The following ADAMTSL1 variants were observed in gnomAD, a reference collection of about 807,000 sequenced individuals.
The protein encoded by ADAMTSL1 is ADAMTS-like protein 1.
A neutral mutation model predicts 201.8 loss-of-function variants in ADAMTSL1; 126 were observed. That is an observed-to-expected ratio of 0.62 (90% CI 0.54 to 0.72). The LOEUF (loss-of-function observed/expected upper bound fraction) is 0.72, where lower values mean the gene tolerates loss of function less well. Among genes scored for constraint, ADAMTSL1 ranks in the 30% least tolerant of loss-of-function variants. The pLI, the probability that ADAMTSL1 is intolerant of heterozygous loss-of-function variation, is 0.00. For missense variants in ADAMTSL1, 2,679 were observed against 2,277.8 expected (o/e 1.18, Z -3.59); for synonymous variants, 1,121 against 903.4 (o/e 1.24, Z -4.32).
At chr9:18,089,300 C>G (rs1398854969) in intron 1 of ADAMTSL1, among the ~76,000 whole-genome samples, 2 of 152,128 alleles carry the variant, frequency 1.3e-5, no homozygotes, top group African/African-American at 2.4e-5. Flanking sequence ...AAAGGATGAG[C>G]TCATGTCCTT....
chr9:18,096,971 G>C (rs949736344), intron 1 of ADAMTSL1, among the ~76,000 whole-genome samples: 1 of 152,140 alleles, frequency 6.6e-6, no homozygotes, highest in Non-Finnish European at 1.5e-5. Flanking sequence ...GGCATCCATT[G>C]TAAGTATGCT....
intron 25 of ADAMTSL1, chr9:18,890,910 G>A (rs985677943): frequency 8.6e-6 from 2 of 232,370 alleles, no homozygotes; most frequent in African/African-American, 2.4e-5. Context: ...GATGGTCAGA[G>A]TCAATCAGCT....
intron 16 of ADAMTSL1, among the ~76,000 whole-genome samples, chr9:18,756,122 T>TATAC (rs1491270780): frequency 3.5e-5 from 3 of 85,844 alleles, no homozygotes; most frequent in Non-Finnish European, 7.1e-5. Flanking sequence ...TATATATATA[T>TATAC]ACAAAAATTA....
chr9:18,237,182 G>T (rs577232254), intron 2 of ADAMTSL1, among the ~76,000 whole-genome samples: 1 of 152,288 alleles, frequency 6.6e-6, no homozygotes, highest in African/African-American at 2.4e-5. Flanking sequence ...CAGAAGCTGT[G>T]TCCCACATGG....
intron 1 of ADAMTSL1, among the ~76,000 whole-genome samples, chr9:18,133,818 A>G (rs564814856): frequency 2.0e-5 from 3 of 152,252 alleles, no homozygotes; most frequent in East Asian, 3.9e-4. Context: ...ATTACTTAAA[A>G]TATTTTAAAA....
At position 17,959,676 on chromosome 9, in the gene ADAMTSL1, G is replaced by C. The variant is rs545332078; in HGVS notation, c.87+52754G>C. On this transcript the variant is annotated intron_variant, in intron 1 of 29. Coordinates refer to the ADAMTSL1 transcript ENST00000680146. ...TTTCACCATTGTCCAGGCTGGCCTT[G>C]AACTCCTGACCTCAAGTGATCCACC... Among the ~76,000 whole-genome samples, 15 of 152,186 alleles carry C rather than the reference G, an allele frequency of 9.9e-5. No homozygotes were observed. In the Middle Eastern group the frequency reaches 0.014, roughly 138 times the overall value.
At chr9:17,946,058 ATGTGTGTGTGTGT>A (rs1827458434) in intron 1 of ADAMTSL1, among the ~76,000 whole-genome samples, 6 of 148,262 alleles carry the variant, frequency 4.0e-5, no homozygotes, top group African/African-American at 1.0e-4. Flanking sequence ...CATGATGTGT[ATGTGTGTGTGTGT>A]GTGTGTGTGT....
chr9:18,799,645 G>A (rs1822650693), intron 20 of ADAMTSL1, among the ~76,000 whole-genome samples: 2 of 152,160 alleles, frequency 1.3e-5, no homozygotes, highest in Non-Finnish European at 2.9e-5. Flanking sequence ...GAGGGCTGAG[G>A]GATGAGTGTA....
intron 14 of ADAMTSL1, chr9:18,718,443 C>T (rs1833104182): frequency 3.2e-6 from 2 of 625,702 alleles, no homozygotes; most frequent in Middle Eastern, 2.8e-4. Flanking sequence ...TATTTTTCAA[C>T]AAAAATTCCT....
chr9:18,268,016 A>G (rs1323439694), intron 2 of ADAMTSL1, among the ~76,000 whole-genome samples: 2 of 152,166 alleles, frequency 1.3e-5, no homozygotes, highest in African/African-American at 4.8e-5. Context: ...TAGAAGTAAA[A>G]TGTATTTAAT....
chr9:18,867,112 G>A (rs1464879994), intron 23 of ADAMTSL1, among the ~76,000 whole-genome samples: 1 of 152,164 alleles, frequency 6.6e-6, no homozygotes, highest in Non-Finnish European at 1.5e-5. Flanking sequence ...AAGTTCAGAG[G>A]TTCTTTTCCA....
chr9:18,009,593 T>G (rs951579724), intron 1 of ADAMTSL1, among the ~76,000 whole-genome samples: 6 of 152,032 alleles, frequency 3.9e-5, no homozygotes, highest in African/African-American at 1.4e-4. Context: ...TCTCTGGTTT[T>G]CAGACTTGTT....
chr9:17,967,113 G>T (rs1028138068), intron 1 of ADAMTSL1, among the ~76,000 whole-genome samples: 2 of 152,012 alleles, frequency 1.3e-5, no homozygotes, highest in Non-Finnish European at 2.9e-5. Context: ...GGGCACTAAA[G>T]GTAGCATTAT....
chr9:18,378,885 A>G (rs1378221370), intron 2 of ADAMTSL1, among the ~76,000 whole-genome samples: 1 of 152,218 alleles, frequency 6.6e-6, no homozygotes. Flanking sequence ...GGGAATAAAC[A>G]TAATTGATAG....
intron 1 of ADAMTSL1, among the ~76,000 whole-genome samples, chr9:18,096,069 A>G (rs1198363217): frequency 1.3e-5 from 2 of 152,174 alleles, no homozygotes; most frequent in Admixed American, 6.5e-5. Flanking sequence ...TAGTCAGTCA[A>G]TTACATTCTT....
chr9:18,059,407 A>G (rs1052132653), intron 1 of ADAMTSL1, among the ~76,000 whole-genome samples: 3 of 152,116 alleles, frequency 2.0e-5, no homozygotes, highest in Non-Finnish European at 2.9e-5. Flanking sequence ...GAAATATTGG[A>G]ATGTGTATAA....
intron 2 of ADAMTSL1, among the ~76,000 whole-genome samples, chr9:18,265,909 A>G (rs971763946): frequency 6.6e-6 from 1 of 152,220 alleles, no homozygotes; most frequent in Non-Finnish European, 1.5e-5. Flanking sequence ...ATGAAAACCA[A>G]TATTGTGAAA....
intron 1 of ADAMTSL1, among the ~76,000 whole-genome samples, chr9:18,100,797 A>G (rs986253449): frequency 2.6e-5 from 4 of 152,112 alleles, no homozygotes; most frequent in Non-Finnish European, 5.9e-5. Flanking sequence ...CTGTTATTGG[A>G]TTGGCTAAAC....
intron 23 of ADAMTSL1, among the ~76,000 whole-genome samples, chr9:18,881,589 C>G (rs748784716): frequency 1.4e-4 from 22 of 152,192 alleles, no homozygotes; most frequent in African/African-American, 5.1e-4. Flanking sequence ...ACTGATCACA[C>G]ATAACCGTAA....
Sources: gnomAD v4.1 joint callset for allele counts (sites outside exome capture counted in the v4.1 genomes callset) on GRCh38, gnomAD v4.1.1 for gene constraint, MANE v1.5 for transcripts, NCBI Gene and HGNC (gene_info 2026-07-23, HGNC 2026-07-21) for gene names.